The following MARCHF10 variants were observed in gnomAD, a reference collection of about 807,000 sequenced individuals.
The protein encoded by MARCHF10 is probable E3 ubiquitin-protein ligase MARCHF10.
MARCHF10 carries 64 observed loss-of-function variants against 76.2 expected under a neutral mutation model. That is an observed-to-expected ratio of 0.84 (90% CI 0.69 to 1.03). The LOEUF (loss-of-function observed/expected upper bound fraction) is 1.03, where lower values mean the gene tolerates loss of function less well. Ranked by LOEUF, MARCHF10 falls within the 50% of genes least tolerant of loss-of-function variation. The pLI is 0.00. For missense variants in MARCHF10, 875 were observed against 958.0 expected, an observed-to-expected ratio of 0.91 and a Z score of 1.14; for synonymous variants, 340 against 357.5, an observed-to-expected ratio of 0.95 and a Z score of 0.55.
At chr17:62,753,629 C>T (rs2091959749) in intron 4 of MARCHF10, among the ~76,000 whole-genome samples, 1 of 152,216 alleles carries the variant, frequency 6.6e-6, no homozygotes, top group African/African-American at 2.4e-5. Flanking sequence ...TCCTTGCTCC[C>T]TCTCCTCCGT....
chr17:62,741,956 C>T (rs1018077505), intron 5 of MARCHF10, among the ~76,000 whole-genome samples: 1 of 152,082 alleles, frequency 6.6e-6, no homozygotes, highest in Non-Finnish European at 1.5e-5. Flanking sequence ...CCTCGGCCTC[C>T]CAGAGTGCTG....
Position 62,784,426 on chromosome 17 carries a change from G to A in MARCHF10, c.210+4054C>T, listed in dbSNP as rs1171520553. Among the ~76,000 whole-genome samples the A allele has an allele frequency of 2.6e-5, 4 of 152,146 alleles. No individual in the cohort carries two copies. The East Asian group carries it at 7.7e-4, about 29-fold the overall frequency. ...ACCCACAGCCAACATCATACTGAATGGGCAAAAACTGGAAGCATTCCCTTT... is the reference window on the plus strand; with the variant it reads ...ACCCACAGCCAACATCATACTGAATAGGCAAAAACTGGAAGCATTCCCTTT... On this transcript the variant is annotated intron_variant, in intron 3 of 10. Coordinates refer to ENST00000311269, the MANE Select transcript of MARCHF10 (RefSeq NM_152598.4).
At chr17:62,734,290 G>C (rs1292669500) in intron 6 of MARCHF10, among the ~76,000 whole-genome samples, 2 of 152,090 alleles carry the variant, frequency 1.3e-5, no homozygotes, top group Non-Finnish European at 2.9e-5. Context: ...ATACAGGAAT[G>C]GTCAGGGTGG....
At chr17:62,721,516 G>A (rs2090486858) in intron 8 of MARCHF10, among the ~76,000 whole-genome samples, 1 of 152,076 alleles carries the variant, frequency 6.6e-6, no homozygotes, top group South Asian at 2.1e-4. Context: ...AAAAGTAATT[G>A]TGGATATTGC....
At chr17:62,797,893 A>C (rs2093010808) in intron 2 of MARCHF10, among the ~76,000 whole-genome samples, 1 of 144,544 alleles carries the variant, frequency 6.9e-6, no homozygotes, top group African/African-American at 2.5e-5. Context: ...GGAAGGCACA[A>C]GTGCGTGAGT....
At chr17:62,797,161 A>G (rs2092999234) in intron 2 of MARCHF10, among the ~76,000 whole-genome samples, 1 of 152,228 alleles carries the variant, frequency 6.6e-6, no homozygotes, top group Admixed American at 6.5e-5. Context: ...TAAATTTACT[A>G]AAAGTCTTTA....
intron 9 of MARCHF10, chr17:62,707,420 C>T (rs2089658722): frequency 6.6e-6 from 1 of 152,378 alleles, no homozygotes; most frequent in African/African-American, 2.4e-5. Context: ...GCCCATCTGC[C>T]AAACCCTCCA....
At chr17:62,776,531 A>C (rs2092558088) in intron 3 of MARCHF10, among the ~76,000 whole-genome samples, 2 of 152,348 alleles carry the variant, frequency 1.3e-5, no homozygotes, top group South Asian at 4.1e-4. Context: ...GAAATGAAGG[A>C]GAAATTAAGC....
In MARCHF10 at chr17:62,723,559, C is replaced by CTTTTTTTTTTT. The variant is rs60456766; in HGVS notation, c.2105-973_2105-963dup. ...CCTTATCTGCATTTTGTTCGCTTGA[C>CTTTTTTTTTTT]TTTTTTTTTTTTTTTTTTTAGCGTC... is the stretch of plus-strand genomic sequence containing the variant. On this transcript the variant is annotated intron_variant, in intron 7 of 10. Transcript: ENST00000311269. Among the ~76,000 whole-genome samples the CTTTTTTTTTTT allele has an allele frequency of 2.4e-3, 194 of 80,344 alleles. 15 individuals are homozygous for CTTTTTTTTTTT. The highest frequency in any genetic ancestry group is 5.6e-3 in the South Asian group (13 of 2,312). The allele number at this position is 80,344 out of a possible 152,430, so 52.7% of individuals were successfully genotyped here. A position where few individuals can be genotyped will look rare whatever the true frequency, so the allele number is the denominator to read the frequency against.
At position 62,736,689 on chromosome 17, in the gene MARCHF10, A is replaced by G. The variant is rs200352361; in HGVS notation, c.1179T>C (p.Ser393=). 1.2e-6 allele frequency: 2 copies of G among 1,613,940 alleles called. No homozygotes were observed. The highest frequency in any genetic ancestry group is 2.7e-5 in the African/African-American group (2 of 74,950). The change falls in exon 6 of 11, where the codon AGT becomes AGC. Residue 393 remains serine, a synonymous_variant. Coordinates refer to ENST00000311269, the MANE Select transcript of MARCHF10 (RefSeq NM_152598.4). ...ESATEKDRGG[S]ENAKKSPLSW... is the part of the protein sequence containing the mutation. ...AAAGAGGGCTCTTTTTCGCATTTTC[A>G]CTGCCACCTCTGTCCTTCTCTGTAG...
At chr17:62,751,759 G>A (rs138931760) in intron 4 of MARCHF10, among the ~76,000 whole-genome samples, 5 of 152,264 alleles carry the variant, frequency 3.3e-5, no homozygotes, top group East Asian at 1.9e-4. Flanking sequence ...GGTGGCTCAC[G>A]CCTGTAATCC....
intron 6 of MARCHF10, among the ~76,000 whole-genome samples, chr17:62,734,500 T>C (rs1262668695): frequency 1.3e-5 from 2 of 152,140 alleles, no homozygotes; most frequent in South Asian, 2.1e-4. Context: ...ATAACTGAGG[T>C]GAACTTTTAA....
chr17:62,790,177 G>C (rs1598042484), intron 2 of MARCHF10, among the ~76,000 whole-genome samples: 1 of 150,114 alleles, frequency 6.7e-6, no homozygotes, highest in Non-Finnish European at 1.5e-5. Flanking sequence ...AATAGTAAAA[G>C]TTTTTTTTTT....
chr17:62,723,331 C>T (rs184608053), intron 7 of MARCHF10, among the ~76,000 whole-genome samples: 79 of 151,168 alleles, frequency 5.2e-4, no homozygotes, highest in African/African-American at 1.9e-3. Context: ...CAGTTTCTCC[C>T]CCTTAGTTGC....
intron 1 of MARCHF10, among the ~76,000 whole-genome samples, chr17:62,802,242 C>T (rs9906487): frequency 0.046 from 7,058 of 152,122 alleles, 568 homozygotes; most frequent in African/African-American, 0.16. Flanking sequence ...TTTTCTGAGA[C>T]GGAGTTTTGC....
intron 6 of MARCHF10, among the ~76,000 whole-genome samples, chr17:62,729,283 C>T (rs956014595): frequency 5.9e-5 from 9 of 151,614 alleles, no homozygotes; most frequent in Admixed American, 2.0e-4. Context: ...TGTATGCCAA[C>T]AAAGAGAGAA....
Position 62,736,704 on chromosome 17 carries a change from C to T in MARCHF10, c.1164G>A (p.Lys388=), listed in dbSNP as rs772441486. 6.2e-7 allele frequency: 1 copy of T among 1,613,876 alleles called. No individual in the cohort carries two copies. Among genetic ancestry groups the T allele is most frequent in the Non-Finnish European group, 8.5e-7 (1 of 1,179,874 alleles). Residue 388 remains lysine, a synonymous_variant, in exon 6 of 11, where the codon AAG becomes AAA. Transcript: ENST00000311269. ...GLPDRESATE[K]DRGGSENAKK... is the part of the protein sequence containing the mutation. ...TCGCATTTTCACTGCCACCTCTGTC[C>T]TTCTCTGTAGCAGATTCCCTATCAG...
chr17:62,765,553 A>G (rs2092310088), intron 3 of MARCHF10, among the ~76,000 whole-genome samples: 2 of 152,072 alleles, frequency 1.3e-5, no homozygotes, highest in East Asian at 3.9e-4. Flanking sequence ...CGGTGATTTA[A>G]GTCTTCATAA....
At chr17:62,764,691 T>C (rs2092288185) in intron 3 of MARCHF10, among the ~76,000 whole-genome samples, 1 of 152,176 alleles carries the variant, frequency 6.6e-6, no homozygotes, top group South Asian at 2.1e-4. Flanking sequence ...GGGCAGCTTG[T>C]ATAAATAGCA....
Sources: gnomAD v4.1 joint callset for allele counts (sites outside exome capture counted in the v4.1 genomes callset) on GRCh38, gnomAD v4.1.1 for gene constraint, MANE v1.5 for transcripts, NCBI Gene and HGNC (gene_info 2026-07-23, HGNC 2026-07-21) for gene names.